The following AGAP1 variants were observed in gnomAD, a reference collection of about 807,000 sequenced individuals.
AGAP1 encodes ArfGAP with GTPase domain, ankyrin repeat and PH domain 1, also known as arf-GAP with GTPase, ANK repeat and PH domain-containing protein 1.
In AGAP1, 29 loss-of-function variants were observed where a neutral mutation model predicts 105.3. That is an observed-to-expected ratio of 0.28 (90% CI 0.21 to 0.38). The LOEUF is 0.38. Among genes scored for constraint, AGAP1 ranks in the 10% least tolerant of loss-of-function variants. The pLI is 1.00. For missense variants in AGAP1, 998 were observed against 1,165.1 expected, an observed-to-expected ratio of 0.86 and a Z score of 2.09; for synonymous variants, 509 against 485.9, an observed-to-expected ratio of 1.05 and a Z score of -0.63.
At chr2:235,762,452 T>G (rs1954531366) in intron 6 of AGAP1, among the ~76,000 whole-genome samples, 1 of 152,126 alleles carries the variant, frequency 6.6e-6, no homozygotes, top group South Asian at 2.1e-4. Flanking sequence ...TGAGTTTGTG[T>G]ATTGAATGCA....
At chr2:235,894,648 C>CACACACACAG (rs2050719001) in intron 10 of AGAP1, among the ~76,000 whole-genome samples, 2 of 152,204 alleles carry the variant, frequency 1.3e-5, no homozygotes, top group Non-Finnish European at 2.9e-5. Flanking sequence ...CACACACACA[C>CACACACACAG]AGCTATGGGC....
chr2:235,593,154 A>C (rs963777129), intron 1 of AGAP1, among the ~76,000 whole-genome samples: 6 of 152,138 alleles, frequency 3.9e-5, no homozygotes, highest in African/African-American at 7.2e-5. Flanking sequence ...CCTGAGATGT[A>C]AATTGGAATC....
rs776858802 is a variant in AGAP1 at position 236,020,308 on chromosome 2, G to C, written c.1646-16253G>C. 7.2e-5 allele frequency among the ~76,000 whole-genome samples: 11 copies of C among 152,164 alleles called. No homozygotes were observed. The highest frequency in any genetic ancestry group is 1.5e-4 in the Non-Finnish European group (10 of 68,042). ...CTCTCTGTTTTCAAAGAAAATTGCA[G>C]TGTTTGAACGTTGTTTATGTAGCCA... is the stretch of plus-strand genomic sequence containing the variant. On this transcript the variant is annotated intron_variant, in intron 13 of 17. Transcript: ENST00000304032. This position sits in a 1 kb window ranked among gnomAD's most constrained non-coding sequence, Gnocchi z 5.0.
chr2:235,532,927 G>A (rs887674024), intron 1 of AGAP1, among the ~76,000 whole-genome samples: 23 of 152,110 alleles, frequency 1.5e-4, no homozygotes, highest in African/African-American at 5.1e-4. Flanking sequence ...GTTGGCAAAT[G>A]GGGCTTTCGC....
chr2:235,573,054 C>CTTTCTTCTTTCTTCT (rs753415836), intron 1 of AGAP1, among the ~76,000 whole-genome samples: 7 of 22,190 alleles, frequency 3.2e-4, no homozygotes, highest in African/African-American at 1.4e-3. Flanking sequence ...TCTTCTTCTT[C>CTTTCTTCTTTCTTCT]TTCTTCTTTC....
At chr2:235,530,097 A>G (rs995265047) in intron 1 of AGAP1, among the ~76,000 whole-genome samples, 3 of 152,172 alleles carry the variant, frequency 2.0e-5, no homozygotes, top group African/African-American at 7.2e-5. Context: ...AAAACTGACA[A>G]GTCTCGTACC....
At chr2:235,932,851 C>G (rs2052788737) in intron 12 of AGAP1, among the ~76,000 whole-genome samples, 1 of 152,244 alleles carries the variant, frequency 6.6e-6, no homozygotes. Flanking sequence ...AAGTCTCTTT[C>G]CATGGAAGTG....
rs1301693885 is a variant in AGAP1 at position 236,005,952 on chromosome 2, C to T, written c.1646-30609C>T. Among the ~76,000 whole-genome samples, 1 of 152,184 alleles carries T rather than the reference C, an allele frequency of 6.6e-6. No individual in the cohort carries two copies. Among genetic ancestry groups the T allele is most frequent in the Non-Finnish European group, 1.5e-5 (1 of 68,038 alleles). ...CCATACTGAACTTTTGGAAGGAAGT[C>T]ACTGTGCACTTAAGGAGTTGGGCGT... On this transcript the variant is annotated intron_variant, in intron 13 of 17. Transcript: ENST00000304032. This position sits in a 1 kb window ranked among gnomAD's most constrained non-coding sequence, Gnocchi z 4.1.
rs536137716 is a variant in AGAP1 at position 235,663,986 on chromosome 2, C to T, written c.164-45193C>T. 5.9e-5 allele frequency among the ~76,000 whole-genome samples: 9 copies of T among 152,266 alleles called. No individual in the cohort carries two copies. The South Asian group carries it at 1.9e-3, about 32-fold the overall frequency. ...TGCTTTGAGGCTGTCTGATAGACAG[C>T]TGCAGTGTTGTGTGTTACCCTTGAC... On this transcript the variant is annotated intron_variant, in intron 1 of 17. Coordinates refer to ENST00000304032, the MANE Select transcript of AGAP1 (RefSeq NM_001037131.3). The surrounding 1 kb of genome is among the most constrained non-coding windows in gnomAD (Gnocchi z 5.4).
chr2:235,966,884 G>A (rs557940411), intron 12 of AGAP1, among the ~76,000 whole-genome samples: 30 of 152,252 alleles, frequency 2.0e-4, no homozygotes, highest in African/African-American at 5.5e-4. Context: ...TCTTGGGACC[G>A]TATGTATTTC....
rs1396331995 is a variant in AGAP1 at position 235,963,730 on chromosome 2, G to A, written c.1484-4732G>A. Among the ~76,000 whole-genome samples, 2 of 152,160 alleles carry A rather than the reference G, an allele frequency of 1.3e-5. No homozygotes were observed. Among genetic ancestry groups the A allele is most frequent in the African/African-American group, 4.8e-5 (2 of 41,436 alleles). On this transcript the variant is annotated intron_variant, in intron 12 of 17. Transcript: ENST00000304032. The surrounding 1 kb of genome is among the most constrained non-coding windows in gnomAD (Gnocchi z 5.1). ...CCTGTTCACCATCTTTTTCATTGAT[G>A]TGGATGGATATATGGGAGTATATGC...
intron 3 of AGAP1, among the ~76,000 whole-genome samples, chr2:235,727,853 C>T (rs140479620): frequency 2.2e-3 from 336 of 152,176 alleles, no homozygotes; most frequent in African/African-American, 7.8e-3. Context: ...CTGAAAAAGA[C>T]GAAGTGCAGA....
At chr2:235,987,914 C>T (rs114692572) in intron 13 of AGAP1, among the ~76,000 whole-genome samples, 4,346 of 152,206 alleles carry the variant, frequency 0.029, 112 homozygotes, top group South Asian at 0.11. Context: ...AATTAGGCTC[C>T]CTCCTAATTA....
chr2:235,855,185 G>A lies in AGAP1; in HGVS notation c.1051-28160G>A, dbSNP rs530817387. ...CTCATCAGGCCCCAGGTGGAAAATC[G>A]GCGTGGTGACGCATGTGCTGCCATC... On this transcript the variant is annotated intron_variant, in intron 9 of 17. Coordinates refer to ENST00000304032, the MANE Select transcript of AGAP1 (RefSeq NM_001037131.3). This position sits in a 1 kb window ranked among gnomAD's most constrained non-coding sequence, Gnocchi z 5.0. Among the ~76,000 whole-genome samples the A allele has an allele frequency of 3.3e-5, 5 of 152,306 alleles. No individual in the cohort carries two copies. The East Asian group carries it at 5.8e-4, about 18-fold the overall frequency.
rs2057902763 is a variant in AGAP1, at chr2:236,051,707, GGGGAGA to G, written c.2114+2430_2114+2435del. ...CACCTTAAAAGCGACCCTGGGGGCA[GGGGAGA>G]GGGGAAGGGTTTGTCTATTCATGGG... On this transcript the variant is annotated intron_variant, in intron 16 of 17. Coordinates refer to ENST00000304032, the MANE Select transcript of AGAP1 (RefSeq NM_001037131.3). This position sits in a 1 kb window ranked among gnomAD's most constrained non-coding sequence, Gnocchi z 5.9. 6.6e-6 allele frequency among the ~76,000 whole-genome samples: 1 copy of G among 152,174 alleles called. No homozygotes were observed. The highest frequency in any genetic ancestry group is 6.5e-5 in the Admixed American group (1 of 15,284).
Position 236,115,422 on chromosome 2 carries a change from T to C in AGAP1, c.2115-4770T>C, listed in dbSNP as rs115965836. On this transcript the variant is annotated intron_variant, in intron 16 of 17. Transcript: ENST00000304032. ...TCGAGAAAAGGCACATAAGCCACAG[T>C]CTCTCTAATGCTTAAGAGTGCAGCC... 3.3e-3 allele frequency among the ~76,000 whole-genome samples: 502 copies of C among 152,276 alleles called. 4 individuals carry two copies. Among genetic ancestry groups the C allele is most frequent in the Middle Eastern group, 0.014 (4 of 294 alleles).
rs754548732 is a variant in AGAP1 at position 235,852,749 on chromosome 2, G to T, written c.1051-30596G>T. 1.5e-4 allele frequency: 236 copies of T among 1,539,654 alleles called. 1 individual carries two copies. The highest frequency in any genetic ancestry group is 8.2e-4 in the African/African-American group (60 of 72,932). ...TTATCTCAGGCCTGCTGGAGCCCGTGCCCGTCAGTCCTCCCCCTGGCCAGG... is the reference window on the plus strand; with the variant it reads ...TTATCTCAGGCCTGCTGGAGCCCGTTCCCGTCAGTCCTCCCCCTGGCCAGG... On this transcript the variant is annotated intron_variant, in intron 9 of 17. Transcript: ENST00000304032.
At chr2:236,004,155 T>A (rs538836328) in intron 13 of AGAP1, among the ~76,000 whole-genome samples, 2 of 152,346 alleles carry the variant, frequency 1.3e-5, no homozygotes, top group South Asian at 4.1e-4. Context: ...TCAGGAAAGA[T>A]GCTCATTTTG....
intron 9 of AGAP1, among the ~76,000 whole-genome samples, chr2:235,818,915 A>G (rs914018433): frequency 5.3e-5 from 8 of 152,070 alleles, no homozygotes; most frequent in Non-Finnish European, 1.2e-4. Flanking sequence ...TCAAGTACAC[A>G]GTGTACTTTC....
Sources: gnomAD v4.1 joint callset for allele counts (sites outside exome capture counted in the v4.1 genomes callset) on GRCh38, gnomAD v4.1.1 for gene constraint, Gnocchi (gnomAD v3.1) non-coding constraint, MANE v1.5 for transcripts, NCBI Gene and HGNC (gene_info 2026-07-23, HGNC 2026-07-21) for gene names.